TMEM163: variants seen among roughly 807,000 people sequenced by gnomAD.
The protein encoded by TMEM163 is transmembrane protein 163.
A neutral mutation model predicts 29.3 loss-of-function variants in TMEM163; 17 were observed. The ratio of observed to expected loss-of-function variants is 0.58; its 90% CI spans 0.40 to 0.87. The LOEUF (loss-of-function observed/expected upper bound fraction) is 0.87. Ranked by LOEUF, TMEM163 falls within the 40% of genes least tolerant of loss-of-function variation. The pLI is 0.00. For synonymous variants in TMEM163, 157 were observed against 160.6 expected, an observed-to-expected ratio of 0.98 and a Z score of 0.17; for missense variants, 303 against 381.5, an observed-to-expected ratio of 0.79 and a Z score of 1.71.
chr2:134,481,387 G>C (rs906053745), intron 5 of TMEM163, among the ~76,000 whole-genome samples: 7 of 151,070 alleles, frequency 4.6e-5, no homozygotes, highest in Non-Finnish European at 8.9e-5. Context: ...TGGGGGGGGG[G>C]GGAGCTTTTC....
At chr2:134,485,653 C>T (rs1007954388) in intron 5 of TMEM163, among the ~76,000 whole-genome samples, 1 of 152,160 alleles carries the variant, frequency 6.6e-6, no homozygotes, top group Admixed American at 6.5e-5. Context: ...CCCAGATTAT[C>T]AAGGATAATC....
chr2:134,507,748 T>G lies in TMEM163; in HGVS notation c.459-4751A>C, dbSNP rs556318064. Reference sequence around the variant, plus strand: ...GGTGTGTGCCTGTAGTCCCAGCTATTCAGGAGGCTGAGGCAGGAGGATTGC... The same window carrying G: ...GGTGTGTGCCTGTAGTCCCAGCTATGCAGGAGGCTGAGGCAGGAGGATTGC... On this transcript the variant is annotated intron_variant, in intron 4 of 7. Transcript: ENST00000281924. Among the ~76,000 whole-genome samples the G allele has an allele frequency of 1.6e-4, 25 of 152,208 alleles. No homozygotes were observed. The East Asian group carries it at 4.8e-3, about 29-fold the overall frequency.
chr2:134,476,342 G>A (rs186571166), intron 5 of TMEM163, among the ~76,000 whole-genome samples: 1 of 152,258 alleles, frequency 6.6e-6, no homozygotes, highest in African/African-American at 2.4e-5. Flanking sequence ...GGGGCAGGAG[G>A]GATCATTCTG....
At chr2:134,644,987 A>G (rs1683303179) in intron 2 of TMEM163, among the ~76,000 whole-genome samples, 1 of 152,218 alleles carries the variant, frequency 6.6e-6, no homozygotes, top group Admixed American at 6.5e-5. Flanking sequence ...AAAAAGATAT[A>G]CAAATGGCAA....
In TMEM163 at chr2:134,549,881, C is replaced by T. The variant is rs189051859; in HGVS notation, c.458+689G>A. ...GTGTTTGTGTGTGTGTGTGTGTGTACTCATTGCAATCATCCTACGAAAGAG... is the reference window on the plus strand; with the variant it reads ...GTGTTTGTGTGTGTGTGTGTGTGTATTCATTGCAATCATCCTACGAAAGAG... On this transcript the variant is annotated intron_variant, in intron 4 of 7. Coordinates refer to ENST00000281924, the MANE Select transcript of TMEM163 (RefSeq NM_030923.5). Among the ~76,000 whole-genome samples the T allele has an allele frequency of 1.4e-3, 219 of 151,478 alleles. 1 individual carries two copies. The highest frequency in any genetic ancestry group is 5.0e-3 in the South Asian group (24 of 4,808).
chr2:134,652,206 C>T (rs1683496515), intron 2 of TMEM163, among the ~76,000 whole-genome samples: 1 of 88,298 alleles, frequency 1.1e-5, no homozygotes, highest in Non-Finnish European at 2.4e-5. Context: ...TTGTTTGTAT[C>T]CTCTTTTATT....
At chr2:134,522,482 T>C (rs1156440791) in intron 4 of TMEM163, among the ~76,000 whole-genome samples, 1 of 152,264 alleles carries the variant, frequency 6.6e-6, no homozygotes, top group Admixed American at 6.5e-5. Flanking sequence ...TCCGAAGTGC[T>C]AGCACTTTAA....
chr2:134,525,923 G>T (rs575906064), intron 4 of TMEM163, among the ~76,000 whole-genome samples: 3 of 152,196 alleles, frequency 2.0e-5, no homozygotes, highest in African/African-American at 7.2e-5. Flanking sequence ...CAAGGAGAAC[G>T]GTTTGCAAAT....
intron 5 of TMEM163, chr2:134,467,701 G>C (rs938215238): frequency 7.2e-5 from 11 of 152,250 alleles, no homozygotes; most frequent in Middle Eastern, 3.4e-3. Context: ...AACACAAAAA[G>C]GTCATCAGTG....
At chr2:134,718,588 T>C in intron 1 of TMEM163, 146 bp downstream of exon 1, 1 of 514,250 alleles carries the variant, frequency 1.9e-6, no homozygotes, top group South Asian at 9.0e-5. Flanking sequence ...CGCTCTCGGC[T>C]AGCGGCGTTC....
intron 2 of TMEM163, among the ~76,000 whole-genome samples, chr2:134,585,190 A>C (rs909691296): frequency 4.6e-5 from 7 of 152,180 alleles, no homozygotes; most frequent in Non-Finnish European, 7.3e-5. Flanking sequence ...TTTTAGAGAC[A>C]GGGTCTCACT....
chr2:134,469,721 C>T (rs1041916968), intron 5 of TMEM163: 1 of 152,396 alleles, frequency 6.6e-6, no homozygotes, highest in Non-Finnish European at 1.5e-5. Context: ...TCTCCCCGCT[C>T]CAGCTTCGCT....
chr2:134,582,295 G>T (rs1190311143), intron 2 of TMEM163, among the ~76,000 whole-genome samples: 1 of 152,146 alleles, frequency 6.6e-6, no homozygotes, highest in African/African-American at 2.4e-5. Context: ...TCCTGTAGGT[G>T]GGGGAAGGTC....
At chr2:134,588,264 C>A (rs1424555616) in intron 2 of TMEM163, among the ~76,000 whole-genome samples, 1 of 152,086 alleles carries the variant, frequency 6.6e-6, no homozygotes, top group Non-Finnish European at 1.5e-5. Context: ...TCTGGCAACT[C>A]CAAAAGAAAA....
intron 2 of TMEM163, among the ~76,000 whole-genome samples, chr2:134,649,521 T>C (rs1044579208): frequency 6.6e-6 from 1 of 152,212 alleles, no homozygotes; most frequent in Non-Finnish European, 1.5e-5. Context: ...TTTAGGTGCA[T>C]TCTTGGTTGA....
intron 2 of TMEM163, among the ~76,000 whole-genome samples, chr2:134,693,396 C>T (rs1302782345): frequency 6.6e-6 from 1 of 152,074 alleles, no homozygotes; most frequent in Non-Finnish European, 1.5e-5. Flanking sequence ...CACCTGAGGT[C>T]AGGAGTTCGA....
intron 2 of TMEM163, among the ~76,000 whole-genome samples, chr2:134,567,921 G>C (rs552328555): frequency 6.6e-6 from 1 of 152,256 alleles, no homozygotes; most frequent in Non-Finnish European, 1.5e-5. Context: ...GGCTAAAAAA[G>C]GTCCACTTGG....
chr2:134,630,610 A>C (rs1231993702), intron 2 of TMEM163, among the ~76,000 whole-genome samples: 1 of 152,176 alleles, frequency 6.6e-6, no homozygotes, highest in Admixed American at 6.5e-5. Context: ...GGAGAGTCAA[A>C]TGCTGATCCC....
chr2:134,508,766 GC>G (rs1305847956), intron 4 of TMEM163, among the ~76,000 whole-genome samples: 2 of 150,742 alleles, frequency 1.3e-5, no homozygotes, highest in East Asian at 3.9e-4. Flanking sequence ...CTGAACTCCA[GC>G]CCCTCATCCT....
Sources: gnomAD v4.1 joint callset for allele counts (sites outside exome capture counted in the v4.1 genomes callset) on GRCh38, gnomAD v4.1.1 for gene constraint, MANE v1.5 for transcripts, NCBI Gene and HGNC (gene_info 2026-07-23, HGNC 2026-07-21) for gene names.